PANX2: variants seen among roughly 807,000 people sequenced by gnomAD.
The protein encoded by PANX2 is pannexin-2.
In PANX2, 30 loss-of-function variants were observed where a neutral mutation model predicts 38.7. The ratio of observed to expected loss-of-function variants is 0.78; its 90% CI spans 0.58 to 1.05. PANX2 has a LOEUF of 1.05. Among genes scored for constraint, PANX2 ranks in the 50% least tolerant of loss-of-function variants. PANX2 has a pLI of 0.00. For missense variants in PANX2, 880 were observed against 979.3 expected, an observed-to-expected ratio of 0.90 and a Z score of 1.35; for synonymous variants, 539 against 472.1, an observed-to-expected ratio of 1.14 and a Z score of -1.84.
Position 50,178,161 on chromosome 22 carries a change from C to T in PANX2, c.1449C>T (p.His483=). ...IAPLLDRSAH[H]YKGGGGDPGP... ...CGCTGCTGGACCGCTCCGCCCACCA[C>T]TACAAGGGCGGAGGGGGCGACCCGG... The change falls in exon 2 of 3, where the codon CAC becomes CAT. Residue 483 remains histidine (H), a synonymous_variant. Coordinates refer to ENST00000395842, the MANE Select transcript of PANX2 (RefSeq NM_052839.4). The T allele has an allele frequency of 2.0e-6, 3 of 1,510,086 alleles. No individual in the cohort carries two copies. The highest frequency in any genetic ancestry group is 2.6e-6 in the Non-Finnish European group (3 of 1,138,078). The allele number at this position is 1,510,086 out of a possible 1,614,324, so 93.5% of individuals were successfully genotyped here. A position where few individuals can be genotyped will look rare whatever the true frequency, so the allele number is the denominator to read the frequency against.
At chr22:50,174,084 G>A (rs959508897) in intron 1 of PANX2, among the ~76,000 whole-genome samples, 1 of 152,202 alleles carries the variant, frequency 6.6e-6, no homozygotes, top group African/African-American at 2.4e-5. Context: ...GCCTGGCCTC[G>A]GCTGAGGGCT....
At position 50,179,360 on chromosome 22, in the gene PANX2, C is replaced by T. The variant is rs1486056038; in HGVS notation, c.*83C>T. The T allele has an allele frequency of 1.3e-5, 16 of 1,255,166 alleles. No individual in the cohort carries two copies. Among genetic ancestry groups the T allele is most frequent in the African/African-American group, 3.0e-5 (2 of 67,658 alleles). The allele number at this position is 1,255,166 out of a possible 1,614,324, so 77.8% of individuals were successfully genotyped here. A position where few individuals can be genotyped will look rare whatever the true frequency, so the allele number is the denominator to read the frequency against. ...AGCCTCCCGGTGGACACCAGCCCTGCGTGGACGTGGCCTGTGCTTCGCCCG... is the reference window on the plus strand; with the variant it reads ...AGCCTCCCGGTGGACACCAGCCCTGTGTGGACGTGGCCTGTGCTTCGCCCG... On this transcript the variant is annotated 3_prime_UTR_variant, in exon 3 of 3. Transcript: ENST00000395842.
At chr22:50,174,107 C>G (rs2063649633) in intron 1 of PANX2, among the ~76,000 whole-genome samples, 1 of 152,130 alleles carries the variant, frequency 6.6e-6, no homozygotes, top group African/African-American at 2.4e-5. Flanking sequence ...CAGGATGTGG[C>G]AGTGGTCTGG....
chr22:50,178,495 A>T, intron 2 of PANX2, 93 bp downstream of exon 2: 12 of 677,850 alleles, frequency 1.8e-5, no homozygotes, highest in Middle Eastern at 4.5e-4. Context: ...CCAGGGCGCT[A>T]GGGAAGGGAG....
Position 50,179,110 on chromosome 22 carries a change from C to T in PANX2, c.1867C>T (p.His623Tyr), listed in dbSNP as rs1488088578. Residue 623 changes from histidine to tyrosine, a missense_variant, in exon 3 of 3, where the codon CAC becomes TAC. This residue lies in a region of PANX2 where 445 missense variants were observed against 404.3 expected (regional missense o/e 1.10). Transcript: ENST00000395842. ...CACCATCCTGAGCCGAAACGCCACA[C>T]ACCCGCTGCTGCACATCAACACGCT... is the stretch of plus-strand genomic sequence containing the variant. ...PLTILSRNAT[H>Y]PLLHINTLYE... 1 of 1,612,072 alleles carries T rather than the reference C, an allele frequency of 6.2e-7. No individual in the cohort carries two copies. Among genetic ancestry groups the T allele is most frequent in the Non-Finnish European group, 8.5e-7 (1 of 1,179,514 alleles).
chr22:50,171,695 G>A (rs2063633105), intron 1 of PANX2, among the ~76,000 whole-genome samples: 1 of 152,174 alleles, frequency 6.6e-6, no homozygotes, highest in South Asian at 2.1e-4. Flanking sequence ...TGCGGGGTGG[G>A]GTCCTGGTGC....
rs1304532071 is a variant in PANX2 at position 50,179,078 on chromosome 22, A to G, written c.1835A>G (p.Glu612Gly). The G allele has an allele frequency of 3.1e-6, 5 of 1,611,224 alleles. No homozygotes were observed. Among genetic ancestry groups the G allele is most frequent in the Non-Finnish European group, 4.2e-6 (5 of 1,179,248 alleles). ...ACACCAGCCAGCCTGGGCAAGGCGGAGCCCCTCACCATCCTGAGCCGAAAC... is the reference window on the plus strand; with the variant it reads ...ACACCAGCCAGCCTGGGCAAGGCGGGGCCCCTCACCATCCTGAGCCGAAAC... ...PLTPASLGKA[E>G]PLTILSRNAT... is the part of the protein sequence containing the mutation. Residue 612 changes from glutamate (E) to glycine (G), a missense_variant, in exon 3 of 3, where the codon GAG becomes GGG. This residue lies in a region of PANX2 where 445 missense variants were observed against 404.3 expected (regional missense o/e 1.10). Transcript: ENST00000395842.
intron 1 of PANX2, among the ~76,000 whole-genome samples, chr22:50,171,356 A>G (rs1368715589): frequency 6.6e-6 from 1 of 152,064 alleles, no homozygotes; most frequent in Non-Finnish European, 1.5e-5. Context: ...AGCTGATTAC[A>G]GGGGCTGGTG....
intron 1 of PANX2, among the ~76,000 whole-genome samples, chr22:50,176,719 C>T (rs1294309628): frequency 6.6e-6 from 1 of 152,206 alleles, no homozygotes; most frequent in Non-Finnish European, 1.5e-5. Flanking sequence ...TGCAGGTGCC[C>T]CGCAGCTGAC....
rs569171637 is a variant in PANX2 at position 50,174,419 on chromosome 22, G to C, written c.227-2520G>C. Among the ~76,000 whole-genome samples, 14 of 152,314 alleles carry C rather than the reference G, an allele frequency of 9.2e-5. 1 individual carries two copies. In the South Asian group the frequency reaches 2.9e-3, roughly 32 times the overall value. On this transcript the variant is annotated intron_variant, in intron 1 of 2. Transcript: ENST00000395842. The stretch of plus-strand genomic sequence containing the variant: ...TTCTGAATATGGGAATATGGGCCGT[G>C]TTGGGGTGTATTCAGACACCCGCTC...
At position 50,179,290 on chromosome 22, in the gene PANX2, T is replaced by A. The variant is rs780092430; in HGVS notation, c.*13T>A. 13 of 1,605,492 alleles carry A rather than the reference T, an allele frequency of 8.1e-6. No individual in the cohort carries two copies. The highest frequency in any genetic ancestry group is 1.1e-5 in the Non-Finnish European group (13 of 1,175,432). On this transcript the variant is annotated 3_prime_UTR_variant, in exon 3 of 3. Transcript: ENST00000395842. ...TGTGGAGTTTTGAGGGATGGCACCG[T>A]CCAGGCCGCCGAGAGCCCCTCTGCC...
intron 1 of PANX2, among the ~76,000 whole-genome samples, chr22:50,171,482 G>A (rs1309234481): frequency 2.0e-5 from 3 of 152,204 alleles, no homozygotes; most frequent in Non-Finnish European, 2.9e-5. Context: ...GGGTGCACTG[G>A]GGGCCTCCGA....
intron 1 of PANX2, chr22:50,175,410 C>T: frequency 7.8e-7 from 1 of 1,278,650 alleles, no homozygotes; most frequent in Non-Finnish European, 1.0e-6. Flanking sequence ...GGACACAAAC[C>T]TGTCCCTGTT....
Position 50,179,625 on chromosome 22 carries a change from C to G in PANX2, c.*348C>G, listed in dbSNP as rs1395317710. 3.9e-6 allele frequency: 1 copy of G among 255,748 alleles called. No homozygotes were observed. The highest frequency in any genetic ancestry group is 5.1e-5 in the Admixed American group (1 of 19,442). The allele number at this position is 255,748 out of a possible 1,614,324, so 15.8% of individuals were successfully genotyped here. A position where few individuals can be genotyped will look rare whatever the true frequency, so the allele number is the denominator to read the frequency against. On this transcript the variant is annotated 3_prime_UTR_variant, in exon 3 of 3. Coordinates refer to ENST00000395842, the MANE Select transcript of PANX2 (RefSeq NM_052839.4). ...TTTTTTAGTCCGTTTCGTCCTGGCC[C>G]CGGGCTGTGGCGAGACAGCCCAACT...
Position 50,178,104 on chromosome 22 carries a change from C to T in PANX2, c.1392C>T (p.Arg464=), listed in dbSNP as rs901170891. The change falls in exon 2 of 3, where the codon CGC becomes CGT. Residue 464 remains arginine (R), a synonymous_variant. Coordinates refer to ENST00000395842, the MANE Select transcript of PANX2 (RefSeq NM_052839.4). ...AGGCGGAGAAGCCGAAGCCCGCGCG[C>T]AGGAAGACGGCCACGGACACGCTGA... is the stretch of plus-strand genomic sequence containing the variant. ...NSKAEKPKPA[R]RKTATDTLIA... 4.9e-5 allele frequency: 76 copies of T among 1,546,488 alleles called. No individual in the cohort carries two copies. Among genetic ancestry groups the T allele is most frequent in the Non-Finnish European group, 6.5e-5 (75 of 1,155,226 alleles).
At chr22:50,174,815 A>G (rs1268338460) in intron 1 of PANX2, among the ~76,000 whole-genome samples, 2 of 152,084 alleles carry the variant, frequency 1.3e-5, no homozygotes, top group African/African-American at 4.8e-5. Context: ...CCCCACCCCG[A>G]GTCAGGCCAG....
At position 50,177,258 on chromosome 22, in the gene PANX2, C is replaced by T. The variant is rs909188214; in HGVS notation, c.546C>T (p.Ser182=). ...CCAAGATCGAGAAGCAGATCCAGTCCAAGGGCCCGGGCATCACGGAGCGCG... is the reference window on the plus strand; with the variant it reads ...CCAAGATCGAGAAGCAGATCCAGTCTAAGGGCCCGGGCATCACGGAGCGCG... ...RAPKIEKQIQ[S]KGPGITEREK... Residue 182 remains serine, a synonymous_variant, in exon 2 of 3, where the codon TCC becomes TCT. Transcript: ENST00000395842. 15 of 1,612,350 alleles carry T rather than the reference C, an allele frequency of 9.3e-6. No individual in the cohort carries two copies. Among genetic ancestry groups the T allele is most frequent in the Non-Finnish European group, 1.3e-5 (15 of 1,179,778 alleles).
chr22:50,177,912 G>C lies in PANX2; in HGVS notation c.1200G>C (p.Ser400=), dbSNP rs527609230. 6 of 1,530,014 alleles carry C rather than the reference G, an allele frequency of 3.9e-6. No homozygotes were observed. Among genetic ancestry groups the C allele is most frequent in the Middle Eastern group, 1.7e-4 (1 of 5,962 alleles). The allele number at this position is 1,530,014 out of a possible 1,614,324, so 94.8% of individuals were successfully genotyped here. The change falls in exon 2 of 3, where the codon TCG becomes TCC. Residue 400 remains serine, a synonymous_variant. Coordinates refer to ENST00000395842, the MANE Select transcript of PANX2 (RefSeq NM_052839.4). ...ACGCCACCCCCACGGTGCGCGACTC[G>C]GGGGTGCAGACCGTGGACCCCAGCG... The part of the protein sequence containing the change: ...NHDATPTVRD[S]GVQTVDPSAN...
Position 50,178,354 on chromosome 22 carries a change from T to C in PANX2, c.1642T>C (p.Ser548Pro). ...CCGGAGCCAGGAGGGGGGCTTCCTG[T>C]CCCAGGCGGAGGACTGTGGGCTAGG... ...ASRSQEGGFL[S>P]QAEDCGLGLA... The change falls in exon 2 of 3, where the codon TCC becomes CCC. Residue 548 changes from serine (S) to proline (P), a missense_variant. Physicochemically the swap from Ser to Pro is moderately conservative, Grantham distance 74 (BLOSUM62 -1). Coordinates refer to ENST00000395842, the MANE Select transcript of PANX2 (RefSeq NM_052839.4). 1 of 1,489,910 alleles carries C rather than the reference T, an allele frequency of 6.7e-7. No homozygotes were observed. Among genetic ancestry groups the C allele is most frequent in the Non-Finnish European group, 8.9e-7 (1 of 1,127,964 alleles). The allele number at this position is 1,489,910 out of a possible 1,614,324, so 92.3% of individuals were successfully genotyped here.
Sources: allele counts gnomAD v4.1 joint callset (sites outside exome capture counted in the v4.1 genomes callset), GRCh38; gene constraint gnomAD v4.1.1; regional missense constraint gnomAD v4.1.1; transcripts MANE v1.5; gene names NCBI Gene and HGNC (gene_info 2026-07-23, HGNC 2026-07-21).